COL19A1: variants seen among roughly 807,000 people sequenced by gnomAD.
COL19A1 encodes collagen alpha-1(XIX) chain.
In COL19A1, 159 loss-of-function variants were observed where a neutral mutation model predicts 190.2. That is an observed-to-expected ratio of 0.84 (90% CI 0.73 to 0.95). The LOEUF (loss-of-function observed/expected upper bound fraction) is 0.95, where lower values mean the gene tolerates loss of function less well. Ranked by LOEUF, COL19A1 falls within the 40% of genes least tolerant of loss-of-function variation. COL19A1 has a pLI of 0.00. For missense variants in COL19A1, 1,418 were observed against 1,431.9 expected (o/e 0.99, Z 0.16); for synonymous variants, 509 against 458.9 (o/e 1.11, Z -1.39).
chr6:70,081,006 T>C (rs900831496), intron 15 of COL19A1, among the ~76,000 whole-genome samples: 3 of 152,302 alleles, frequency 2.0e-5, no homozygotes, highest in African/African-American at 7.2e-5. Flanking sequence ...GGCATAAGAA[T>C]TACAAATTCA....
rs781065716 is a variant in COL19A1 at position 70,188,155 on chromosome 6, C to A, written c.2937C>A (p.Ile979=). The A allele has an allele frequency of 3.1e-6, 5 of 1,613,964 alleles. No homozygotes were observed. Among genetic ancestry groups the A allele is most frequent in the South Asian group, 2.2e-5 (2 of 90,998 alleles). The stretch of plus-strand genomic sequence containing the variant: ...GCCTTACAGGCATGAAGGGGGCCAT[C>A]GGTCCTATGGGTCCACCAGGAAACA... The part of the protein sequence containing the change: ...KPGLTGMKGA[I]GPMGPPGNKG... The change falls in exon 47 of 51, where the codon ATC becomes ATA. Residue 979 remains isoleucine (I), a synonymous_variant. Coordinates refer to ENST00000620364, the MANE Select transcript of COL19A1 (RefSeq NM_001858.6).
In COL19A1 at chr6:70,184,977, G is replaced by T. The variant is rs186497685; in HGVS notation, c.2856+62G>T. The T allele has an allele frequency of 2.1e-4, 321 of 1,517,462 alleles. 2 individuals carry two copies. Among genetic ancestry groups the T allele is most frequent in the Non-Finnish European group, 1.3e-5 (14 of 1,109,414 alleles). The allele number at this position is 1,517,462 out of a possible 1,614,324, so 94.0% of individuals were successfully genotyped here. On this transcript the variant is annotated intron_variant, in intron 46 of 50. Transcript: ENST00000620364. ...GTCTGTTACAACTGTCCCATCATTT[G>T]AGTTACACAATTATGTGTGTAGACC... is the stretch of plus-strand genomic sequence containing the variant.
intron 18 of COL19A1, among the ~76,000 whole-genome samples, chr6:70,134,090 T>C (rs1427979681): frequency 1.3e-5 from 2 of 152,230 alleles, no homozygotes; most frequent in Non-Finnish European, 2.9e-5. Context: ...TAGGCAAGTC[T>C]AACTAGTAGG....
At chr6:70,164,507 T>A (rs1344457268) in intron 36 of COL19A1, among the ~76,000 whole-genome samples, 1 of 152,106 alleles carries the variant, frequency 6.6e-6, no homozygotes, top group East Asian at 1.9e-4. Context: ...TTCTAGATAG[T>A]CTCTGCACAT....
At chr6:69,884,305 A>C (rs1254741232) in intron 2 of COL19A1, among the ~76,000 whole-genome samples, 1 of 151,300 alleles carries the variant, frequency 6.6e-6, no homozygotes, top group Non-Finnish European at 1.5e-5. Flanking sequence ...ACGCCATTGC[A>C]CTCCAGCCTG....
chr6:70,149,667 G>A (rs373494478), intron 27 of COL19A1, 37 bp from the exon 28 acceptor site: 76 of 1,608,514 alleles, frequency 4.7e-5, no homozygotes, highest in Non-Finnish European at 6.4e-5. Context: ...GGACATTCTT[G>A]GTGGAATTTT....
At chr6:70,149,219 A>G (rs906254910) in intron 27 of COL19A1, among the ~76,000 whole-genome samples, 1 of 151,972 alleles carries the variant, frequency 6.6e-6, no homozygotes, top group Non-Finnish European at 1.5e-5. Context: ...TCCCAGCCTC[A>G]TTTTATTTAT....
chr6:69,929,776 T>G lies in COL19A1; in HGVS notation c.666+76T>G, dbSNP rs565421202. ...AAAAATCTTATTAAAAACATTCTTC[T>G]TTTATTACTGTGTAATAGATTCCCT... On this transcript the variant is annotated intron_variant, in intron 6 of 50. Transcript: ENST00000620364. 4 of 1,372,696 alleles carry G rather than the reference T, an allele frequency of 2.9e-6. No individual in the cohort carries two copies. The South Asian group carries it at 5.9e-5, about 20-fold the overall frequency. The allele number at this position is 1,372,696 out of a possible 1,614,324, so 85.0% of individuals were successfully genotyped here. A position where few individuals can be genotyped will look rare whatever the true frequency, so the allele number is the denominator to read the frequency against.
At chr6:70,175,264 C>A (rs1002185997) in intron 41 of COL19A1, among the ~76,000 whole-genome samples, 1 of 151,978 alleles carries the variant, frequency 6.6e-6, no homozygotes, top group Non-Finnish European at 1.5e-5. Context: ...TTCATTTTTA[C>A]GTTTAATCTT....
intron 4 of COL19A1, among the ~76,000 whole-genome samples, chr6:69,902,200 G>A (rs1770235168): frequency 6.6e-6 from 1 of 152,184 alleles, no homozygotes; most frequent in Admixed American, 6.5e-5. Flanking sequence ...TCTCTTGCAT[G>A]ATGCCATTTT....
intron 4 of COL19A1, among the ~76,000 whole-genome samples, chr6:69,921,353 C>CT (rs1346540517): frequency 1.1e-5 from 1 of 92,976 alleles, no homozygotes; most frequent in African/African-American, 4.4e-5. Context: ...TATCATATAT[C>CT]ATAATCATAT....
intron 14 of COL19A1, among the ~76,000 whole-genome samples, chr6:70,064,774 A>G (rs1029840860): frequency 6.6e-6 from 1 of 151,478 alleles, no homozygotes; most frequent in African/African-American, 2.4e-5. Flanking sequence ...CTCAGGATAC[A>G]AAATGTGCAA....
chr6:70,156,403 G>A (rs541553561), intron 33 of COL19A1, 34 bp downstream of exon 33: 2 of 1,603,324 alleles, frequency 1.2e-6, no homozygotes, highest in Admixed American at 3.4e-5. Context: ...TCCCCTGTGG[G>A]AACCTCAATT....
At chr6:69,908,880 G>A (rs1244915348) in intron 4 of COL19A1, among the ~76,000 whole-genome samples, 4 of 152,046 alleles carry the variant, frequency 2.6e-5, no homozygotes, top group Admixed American at 6.6e-5. Context: ...AGAGAAATAA[G>A]TTTGTTTAAA....
intron 49 of COL19A1, 95 bp downstream of exon 49, chr6:70,199,831 T>C: frequency 8.3e-7 from 1 of 1,211,620 alleles, no homozygotes; most frequent in Non-Finnish European, 1.1e-6. Flanking sequence ...TGTATGTATG[T>C]CCTTTATTTA....
At chr6:69,936,331 T>C (rs1773110429) in intron 7 of COL19A1, among the ~76,000 whole-genome samples, 1 of 152,140 alleles carries the variant, frequency 6.6e-6, no homozygotes. Flanking sequence ...GTAAAAAGAA[T>C]TTATTTTCTA....
intron 16 of COL19A1, among the ~76,000 whole-genome samples, chr6:70,110,985 T>A (rs751179160): frequency 6.6e-6 from 1 of 152,158 alleles, no homozygotes; most frequent in African/African-American, 2.4e-5. Flanking sequence ...TCAACATCAT[T>A]TCTTTGTGTT....
chr6:69,904,772 T>C (rs1398496339), intron 4 of COL19A1, among the ~76,000 whole-genome samples: 1 of 152,220 alleles, frequency 6.6e-6, no homozygotes, highest in East Asian at 1.9e-4. Flanking sequence ...GCTGTTTATC[T>C]GGGCCTCCAA....
intron 12 of COL19A1, among the ~76,000 whole-genome samples, chr6:70,024,089 G>A (rs964509990): frequency 1.3e-5 from 2 of 152,076 alleles, no homozygotes; most frequent in African/African-American, 2.4e-5. Flanking sequence ...AAGAAAGGGC[G>A]AAGTGAAGGG....
Sources: allele counts gnomAD v4.1 joint callset (sites outside exome capture counted in the v4.1 genomes callset), GRCh38; gene constraint gnomAD v4.1.1; transcripts MANE v1.5; gene names NCBI Gene and HGNC (gene_info 2026-07-23, HGNC 2026-07-21).